The following VWA2 variants were observed in gnomAD, a reference collection of about 807,000 sequenced individuals.
VWA2 encodes von Willebrand factor A domain containing 2, also known as von Willebrand factor A domain-containing protein 2.
In VWA2, 73 loss-of-function variants were observed where a neutral mutation model predicts 70.4. That is an observed-to-expected ratio of 1.04 (90% confidence interval 0.86 to 1.26). VWA2 has a LOEUF of 1.26. Among genes scored for constraint, VWA2 ranks in the 50% most tolerant of loss-of-function variants. The pLI is 0.00. For synonymous variants in VWA2, 407 were observed against 423.3 expected (o/e 0.96, Z 0.47); for missense variants, 1,011 against 998.5 (o/e 1.01, Z -0.17).
chr10:114,249,961 C>T (rs1303583738), intron 2 of VWA2, among the ~76,000 whole-genome samples: 1 of 152,104 alleles, frequency 6.6e-6, no homozygotes, highest in East Asian at 1.9e-4. Context: ...ATCCTTGCTC[C>T]CCGCCACCAA....
chr10:114,286,136 G>T lies in VWA2; in HGVS notation c.1195G>T (p.Glu399Ter). The T allele has an allele frequency of 6.2e-7, 1 of 1,614,130 alleles. No individual in the cohort carries two copies. The highest frequency in any genetic ancestry group is 8.5e-7 in the Non-Finnish European group (1 of 1,180,036). ...GCTGCTGGTGGCGGTGCCTGTGGGG[G>T]AGTACCAGGATGTGCCTGACCTGGT... ...RELLVAVPVG[E>*]YQDVPDLVWS... Residue 399 changes from glutamate to a stop codon, truncating the protein, a stop_gained, in exon 11 of 14, where the codon GAG becomes TAG. Transcript: ENST00000392982. LOFTEE classifies it high-confidence loss of function.
chr10:114,264,703 G>C (rs2037524302), intron 5 of VWA2, among the ~76,000 whole-genome samples: 1 of 151,854 alleles, frequency 6.6e-6, no homozygotes, highest in African/African-American at 2.4e-5. Flanking sequence ...ACAGGCGTGA[G>C]CCACTGTGCT....
At chr10:114,283,477 C>T (rs184232391) in intron 9 of VWA2, among the ~76,000 whole-genome samples, 129 of 152,320 alleles carry the variant, frequency 8.5e-4, no homozygotes, top group African/African-American at 2.8e-3. Flanking sequence ...TCCAGCACCA[C>T]GGCCTCTGAA....
In VWA2 at chr10:114,289,167, G is replaced by A. The variant is rs1205934031; in HGVS notation, c.1800G>A (p.Gln600=). ...TRAAMLRAIS[Q]APYLGGVGSA... is the part of the protein sequence containing the mutation. ...CTGCGATGCTGCGGGCCATTAGCCA[G>A]GCCCCCTACCTAGGTGGGGTGGGCT... Residue 600 remains glutamine, a synonymous_variant, in exon 12 of 14, where the codon CAG becomes CAA. Transcript: ENST00000392982. 1 of 1,613,652 alleles carries A rather than the reference G, an allele frequency of 6.2e-7. No individual in the cohort carries two copies. Among genetic ancestry groups the A allele is most frequent in the East Asian group, 2.2e-5 (1 of 44,876 alleles).
chr10:114,282,003 C>T (rs571682425), intron 8 of VWA2, among the ~76,000 whole-genome samples: 1 of 148,268 alleles, frequency 6.7e-6, no homozygotes, highest in Non-Finnish European at 1.5e-5. Flanking sequence ...AATGTGATAG[C>T]CAGCTTATGT....
chr10:114,268,017 C>A (rs1374512031), intron 5 of VWA2, among the ~76,000 whole-genome samples: 1 of 152,028 alleles, frequency 6.6e-6, no homozygotes, highest in East Asian at 1.9e-4. Flanking sequence ...TAACAGCCAC[C>A]CACTAGGTCC....
intron 6 of VWA2, among the ~76,000 whole-genome samples, chr10:114,274,470 ATGTT>A (rs1298162548): frequency 2.6e-5 from 4 of 151,952 alleles, no homozygotes; most frequent in African/African-American, 9.7e-5. Context: ...GACTTAGGAT[ATGTT>A]TGTTGTTTGT....
rs536959946 is a variant in VWA2 at position 114,293,242 on chromosome 10, G to A, written c.*2005G>A. Among the ~76,000 whole-genome samples the A allele has an allele frequency of 3.1e-4, 47 of 152,272 alleles. No individual in the cohort carries two copies. Among genetic ancestry groups the A allele is most frequent in the Middle Eastern group, 3.4e-3 (1 of 294 alleles). On this transcript the variant is annotated 3_prime_UTR_variant, in exon 14 of 14. Coordinates refer to ENST00000392982, the MANE Select transcript of VWA2 (RefSeq NM_001272046.2). ...CTGCCCTTCACAGAAGACAACGTCC[G>A]GGGCAGGATCACATGCTCCCTAGCA...
intron 10 of VWA2, 90 bp downstream of exon 10, chr10:114,285,060 G>A: frequency 9.4e-7 from 1 of 1,063,362 alleles, no homozygotes; most frequent in South Asian, 1.8e-5. Flanking sequence ...CCAGCTGCTG[G>A]GTAGAAACTG....
chr10:114,285,559 C>T lies in VWA2; in HGVS notation c.998-380C>T, dbSNP rs78210814. On this transcript the variant is annotated intron_variant, in intron 10 of 13. Coordinates refer to ENST00000392982, the MANE Select transcript of VWA2 (RefSeq NM_001272046.2). ...CTCACAACCCTACCAGAAGTCAATT[C>T]TAGCGTGGCTATAGACCTCTGTGCA... 7.2e-3 allele frequency among the ~76,000 whole-genome samples: 1,102 copies of T among 152,340 alleles called. 14 individuals are homozygous for T. The highest frequency in any genetic ancestry group is 0.025 in the African/African-American group (1,046 of 41,578).
In VWA2 at chr10:114,286,223, C is replaced by T. The variant is rs751848864; in HGVS notation, c.1282C>T (p.Gln428Ter). ...CACCCTGACGGGCAGTGCCTTGCGG[C>T]AGGCGGCAGAGCGTGGCTTCGGGAG... ...GPTLTGSALR[Q>*]AAERGFGSAT... The change falls in exon 11 of 14, where the codon CAG becomes TAG. Residue 428 changes from glutamine (Q) to a stop codon, truncating the protein, a stop_gained. Coordinates refer to ENST00000392982, the MANE Select transcript of VWA2 (RefSeq NM_001272046.2). LOFTEE classifies it high-confidence loss of function. 1.4e-5 allele frequency: 22 copies of T among 1,613,542 alleles called. No homozygotes were observed. The East Asian group carries it at 4.9e-4, about 36-fold the overall frequency.
intron 1 of VWA2, among the ~76,000 whole-genome samples, chr10:114,242,803 A>T (rs780861585): frequency 1.3e-5 from 2 of 152,260 alleles, no homozygotes; most frequent in Non-Finnish European, 2.9e-5. Context: ...AATGAAATGA[A>T]TATATTAAAT....
Position 114,291,455 on chromosome 10 carries a change from C to T in VWA2, c.*218C>T, listed in dbSNP as rs1330395456. 4 of 551,846 alleles carry T rather than the reference C, an allele frequency of 7.2e-6. No individual in the cohort carries two copies. Among genetic ancestry groups the T allele is most frequent in the Non-Finnish European group, 1.2e-5 (4 of 320,844 alleles). 34.2% of individuals were successfully genotyped at this position (551,846 alleles called of 1,614,324 possible). On this transcript the variant is annotated 3_prime_UTR_variant, in exon 14 of 14. Transcript: ENST00000392982. ...TTAGAGACAAGAAAGCAGCTGATGTCACCCACAAACGATGTTGTTGAAAAG... is the reference window on the plus strand; with the variant it reads ...TTAGAGACAAGAAAGCAGCTGATGTTACCCACAAACGATGTTGTTGAAAAG...
chr10:114,278,447 T>C (rs1386188964), intron 7 of VWA2, among the ~76,000 whole-genome samples: 1 of 152,144 alleles, frequency 6.6e-6, no homozygotes, highest in Admixed American at 6.5e-5. Flanking sequence ...ATTGATGACG[T>C]TATGTGGAAT....
chr10:114,275,839 AG>A (rs1469434109), intron 6 of VWA2, among the ~76,000 whole-genome samples: 23 of 152,134 alleles, frequency 1.5e-4, no homozygotes, highest in Non-Finnish European at 3.1e-4. Context: ...AGGGCAAGAG[AG>A]TCACTTGAAC....
rs776782934 is a variant in VWA2, at chr10:114,272,836, C to G, written c.468C>G (p.Ile156Met). 1.2e-6 allele frequency: 2 copies of G among 1,614,064 alleles called. No individual in the cohort carries two copies. Among genetic ancestry groups the G allele is most frequent in the East Asian group, 4.5e-5 (2 of 44,874 alleles). Residue 156 changes from isoleucine to methionine, a missense_variant, in exon 6 of 14, where the codon ATC becomes ATG. Coordinates refer to ENST00000392982, the MANE Select transcript of VWA2 (RefSeq NM_001272046.2). ...RNASVPQILI[I>M]VTDGKSQGDV... ...CTTCTGTGCCCCAGATCCTCATCAT[C>G]GTCACTGATGGGAAGTCCCAGGGGG...
At chr10:114,283,355 G>T (rs887854836) in intron 9 of VWA2, among the ~76,000 whole-genome samples, 1 of 151,546 alleles carries the variant, frequency 6.6e-6, no homozygotes. Flanking sequence ...GCAGGGTAGC[G>T]AGCAGTTAGA....
intron 1 of VWA2, chr10:114,246,505 C>CAAAAAAAAAAAAAA (rs570510812): frequency 2.1e-4 from 79 of 384,916 alleles, no homozygotes; most frequent in Non-Finnish European, 2.6e-4. Context: ...AACTCCATCT[C>CAAAAAAAAAAAAAA]AAAAAAAAAA....
rs568331997 is a variant in VWA2 at position 114,292,794 on chromosome 10, C to A, written c.*1557C>A. On this transcript the variant is annotated 3_prime_UTR_variant, in exon 14 of 14. Coordinates refer to ENST00000392982, the MANE Select transcript of VWA2 (RefSeq NM_001272046.2). Reference sequence around the variant, plus strand: ...AATCTTGGCTCACTGCAACCTTTGCCTCCCAGGTTGAAGTGATTCTCATGC... The same window carrying A: ...AATCTTGGCTCACTGCAACCTTTGCATCCCAGGTTGAAGTGATTCTCATGC... Among the ~76,000 whole-genome samples, 1 of 152,046 alleles carries A rather than the reference C, an allele frequency of 6.6e-6. No homozygotes were observed. Among genetic ancestry groups the A allele is most frequent in the African/African-American group, 2.4e-5 (1 of 41,370 alleles).
Sources: allele counts gnomAD v4.1 joint callset (sites outside exome capture counted in the v4.1 genomes callset), GRCh38; gene constraint gnomAD v4.1.1; transcripts MANE v1.5; gene names NCBI Gene and HGNC (gene_info 2026-07-23, HGNC 2026-07-21).